SBF2: variants seen among roughly 807,000 people sequenced by gnomAD.
The protein encoded by SBF2 is SET binding factor 2.
A neutral mutation model predicts 225.2 loss-of-function variants in SBF2; 112 were observed. That is an observed-to-expected ratio of 0.50 (90% CI 0.43 to 0.58). The LOEUF (loss-of-function observed/expected upper bound fraction) is 0.58, where lower values mean the gene tolerates loss of function less well. Ranked by LOEUF, SBF2 falls within the 20% of genes least tolerant of loss-of-function variation. The pLI is 0.00. For missense variants in SBF2, 1,996 were observed against 2,206.2 expected, an observed-to-expected ratio of 0.90 and a Z score of 1.91; for synonymous variants, 763 against 773.3, an observed-to-expected ratio of 0.99 and a Z score of 0.22.
At chr11:10,231,726 G>T (rs573540842) in intron 1 of SBF2, among the ~76,000 whole-genome samples, 1 of 152,184 alleles carries the variant, frequency 6.6e-6, no homozygotes, top group Non-Finnish European at 1.5e-5. Flanking sequence ...CTACTGGGGG[G>T]TGCCTCCCAG....
intron 17 of SBF2, among the ~76,000 whole-genome samples, chr11:9,878,339 A>G (rs1435381931): frequency 6.6e-6 from 1 of 152,116 alleles, no homozygotes; most frequent in East Asian, 1.9e-4. Context: ...CCCATTCCGT[A>G]GGTTGCCTGT....
intron 3 of SBF2, among the ~76,000 whole-genome samples, chr11:10,036,102 T>C (rs927034116): frequency 6.6e-6 from 1 of 152,172 alleles, no homozygotes; most frequent in African/African-American, 2.4e-5. Flanking sequence ...TGAGTTCATG[T>C]CCTTTGTAGG....
At chr11:10,034,695 T>C (rs1255267120) in intron 3 of SBF2, among the ~76,000 whole-genome samples, 2 of 152,184 alleles carry the variant, frequency 1.3e-5, no homozygotes, top group African/African-American at 4.8e-5. Flanking sequence ...ATTCCACAAG[T>C]AAAAAATTTT....
rs1362163350 is a variant in SBF2, at chr11:9,785,326, A to C, written c.5038-8T>G. On this transcript the variant is annotated splice_polypyrimidine_tract_variant and splice_region_variant and intron_variant, in intron 36 of 39. Coordinates refer to ENST00000256190, the MANE Select transcript of SBF2 (RefSeq NM_030962.4). ...CGACAGGTGTCTTTGGGACTGAAAA[A>C]GACAGGACAGGAGCTAGGAAACCTT... The C allele has an allele frequency of 6.2e-7, 1 of 1,612,934 alleles. No individual in the cohort carries two copies. Among genetic ancestry groups the C allele is most frequent in the African/African-American group, 1.3e-5 (1 of 74,998 alleles).
At chr11:10,158,594 A>T (rs11042649) in intron 2 of SBF2, among the ~76,000 whole-genome samples, 2,232 of 152,304 alleles carry the variant, frequency 0.015, 52 homozygotes, top group African/African-American at 0.049. Flanking sequence ...ATTCCTAGAA[A>T]CATAAAACCT....
intron 2 of SBF2, among the ~76,000 whole-genome samples, chr11:10,084,378 G>T (rs7938534): frequency 0.16 from 24,775 of 152,084 alleles, 2,288 homozygotes; most frequent in East Asian, 0.28. Flanking sequence ...ACCACAATGA[G>T]GCATCATCTT....
intron 28 of SBF2, among the ~76,000 whole-genome samples, chr11:9,825,171 C>T (rs1253779453): frequency 6.6e-6 from 1 of 152,060 alleles, no homozygotes; most frequent in Non-Finnish European, 1.5e-5. Context: ...GAATGGGCCC[C>T]TAATTCAATA....
intron 1 of SBF2, among the ~76,000 whole-genome samples, chr11:10,277,642 T>C (rs929825562): frequency 6.6e-6 from 1 of 152,174 alleles, no homozygotes; most frequent in South Asian, 2.1e-4. Flanking sequence ...GATCTTCTGA[T>C]GAAAATTATC....
rs1963780684 is a variant in SBF2, at chr11:10,286,331, G to A, written c.55+7684C>T. On this transcript the variant is annotated intron_variant, in intron 1 of 39. Transcript: ENST00000256190. ...TGTAAATTATATCTCAATAAAGCTA[G>A]AGGAAGTTTTTGTTCTTTGGTTTTT... 4.7e-5 allele frequency among the ~76,000 whole-genome samples: 7 copies of A among 150,272 alleles called. No individual in the cohort carries two copies. In the South Asian group the frequency reaches 1.5e-3, roughly 32 times the overall value.
At chr11:10,266,199 G>C (rs905642083) in intron 1 of SBF2, among the ~76,000 whole-genome samples, 1 of 152,156 alleles carries the variant, frequency 6.6e-6, no homozygotes. Flanking sequence ...ATTCCAATAG[G>C]TGGCTAAGCA....
intron 2 of SBF2, among the ~76,000 whole-genome samples, chr11:10,102,881 T>C (rs980172927): frequency 6.6e-6 from 1 of 152,150 alleles, no homozygotes; most frequent in African/African-American, 2.4e-5. Flanking sequence ...AAAAAGTGGA[T>C]GGATTTATAA....
intron 1 of SBF2, among the ~76,000 whole-genome samples, chr11:10,204,083 A>G (rs1957662063): frequency 6.6e-6 from 1 of 151,702 alleles, no homozygotes; most frequent in Non-Finnish European, 1.5e-5. Context: ...AAGGCATATC[A>G]TAATAAATTA....
intron 2 of SBF2, among the ~76,000 whole-genome samples, chr11:10,094,638 G>A (rs1460331570): frequency 3.4e-5 from 5 of 148,704 alleles, no homozygotes; most frequent in Admixed American, 2.1e-4. Context: ...GAGTAGCTGG[G>A]ATTACAGGTG....
At chr11:10,046,918 A>G (rs72858870) in intron 2 of SBF2, among the ~76,000 whole-genome samples, 7,996 of 151,156 alleles carry the variant, frequency 0.053, 291 homozygotes, top group Middle Eastern at 0.15. Flanking sequence ...ACTAATAAGC[A>G]ATTAAAAACA....
chr11:10,051,678 T>C (rs982204398), intron 2 of SBF2, among the ~76,000 whole-genome samples: 2 of 152,128 alleles, frequency 1.3e-5, no homozygotes, highest in East Asian at 3.8e-4. Flanking sequence ...TTATAGGAAA[T>C]TTTGAATTCT....
chr11:10,120,929 T>A (rs1043380225), intron 2 of SBF2, among the ~76,000 whole-genome samples: 3 of 152,098 alleles, frequency 2.0e-5, no homozygotes, highest in African/African-American at 7.2e-5. Context: ...CATGCCCGGC[T>A]AATTTTTTAT....
chr11:9,815,227 C>G (rs1854390235), intron 29 of SBF2, among the ~76,000 whole-genome samples: 1 of 131,294 alleles, frequency 7.6e-6, no homozygotes, highest in South Asian at 2.4e-4. Context: ...ATCACAAGGT[C>G]AAGAGATGGA....
chr11:10,165,726 C>T (rs1955920391), intron 2 of SBF2, among the ~76,000 whole-genome samples: 1 of 152,192 alleles, frequency 6.6e-6, no homozygotes, highest in East Asian at 1.9e-4. Flanking sequence ...TTCTGCCCTG[C>T]CTAAGTTCTA....
chr11:9,956,567 C>CTTTTTTTTTTTTTTTTT (rs146834020), intron 16 of SBF2: 1 of 116,932 alleles, frequency 8.6e-6, no homozygotes, highest in Non-Finnish European at 1.9e-5. Context: ...TTCCTTAACT[C>CTTTTTTTTTTTTTTTTT]TTTTTTTTTT....
Sources: allele counts gnomAD v4.1 joint callset (sites outside exome capture counted in the v4.1 genomes callset), GRCh38; gene constraint gnomAD v4.1.1; transcripts MANE v1.5; gene names NCBI Gene and HGNC (gene_info 2026-07-23, HGNC 2026-07-21).